Variants in ITPR2 observed in about 807,000 individuals in gnomAD.
ITPR2 encodes the protein inositol 1,4,5-trisphosphate receptor type 2.
A neutral mutation model predicts 317.1 loss-of-function variants in ITPR2; 207 were observed. The ratio of observed to expected loss-of-function variants is 0.65; its 90% CI spans 0.58 to 0.73. The LOEUF (loss-of-function observed/expected upper bound fraction) is 0.73. Among genes scored for constraint, ITPR2 ranks in the 30% least tolerant of loss-of-function variants. The probability of loss-of-function intolerance (pLI) is 0.00; values close to 1 mark genes in which losing one functional copy is unlikely to be tolerated. For synonymous variants in ITPR2, 1,156 were observed against 1,149.1 expected, an observed-to-expected ratio of 1.01 and a Z score of -0.12; for missense variants, 2,613 against 3,284.0, an observed-to-expected ratio of 0.80 and a Z score of 4.99.
chr12:26,478,343 T>C (rs1343371475), intron 43 of ITPR2, among the ~76,000 whole-genome samples: 1 of 151,976 alleles, frequency 6.6e-6, no homozygotes, highest in Non-Finnish European at 1.5e-5. Flanking sequence ...AATCCTAAAA[T>C]CCACTTCGAC....
chr12:26,748,530 T>C (rs1430044150), intron 2 of ITPR2, among the ~76,000 whole-genome samples: 3 of 152,234 alleles, frequency 2.0e-5, no homozygotes, highest in Admixed American at 1.3e-4. Context: ...TGCTCCTATC[T>C]GAATTTCAGA....
intron 52 of ITPR2, among the ~76,000 whole-genome samples, chr12:26,407,010 T>A (rs1383261031): frequency 2.0e-5 from 3 of 152,140 alleles, no homozygotes; most frequent in African/African-American, 7.2e-5. Context: ...CTGTGACACA[T>A]CTCCAGAGAT....
chr12:26,756,173 G>A (rs544805803), intron 2 of ITPR2, among the ~76,000 whole-genome samples: 1 of 152,292 alleles, frequency 6.6e-6, no homozygotes, highest in East Asian at 1.9e-4. Flanking sequence ...AAACGGGAGA[G>A]AGAAAAATTA....
intron 2 of ITPR2, among the ~76,000 whole-genome samples, chr12:26,748,690 T>C (rs1949366946): frequency 6.6e-6 from 1 of 152,226 alleles, no homozygotes. Context: ...TCCTTGATAC[T>C]TGCTTAAGTT....
chr12:26,701,391 AATGATT>A (rs1433732625), intron 9 of ITPR2, among the ~76,000 whole-genome samples: 39 of 152,284 alleles, frequency 2.6e-4, no homozygotes, highest in African/African-American at 8.9e-4. Context: ...TGTATTTTTA[AATGATT>A]ATATTTATAT....
intron 36 of ITPR2, among the ~76,000 whole-genome samples, chr12:26,554,679 T>C (rs1041639027): frequency 6.6e-6 from 1 of 152,224 alleles, no homozygotes; most frequent in Non-Finnish European, 1.5e-5. Context: ...TTACTGAATT[T>C]AACAGGTTTA....
Position 26,463,653 on chromosome 12 carries a change from G to A in ITPR2, c.6342+11643C>T, listed in dbSNP as rs58745242. Among the ~76,000 whole-genome samples, 1,351 of 150,762 alleles carry A rather than the reference G, an allele frequency of 9.0e-3. 24 individuals are homozygous for A. The highest frequency in any genetic ancestry group is 0.032 in the African/African-American group (1,296 of 40,764). ...GCACTCCAGCCTGGGCAACAAGGGC[G>A]AAACTCCATCTCAAAAAACAAAACA... On this transcript the variant is annotated intron_variant, in intron 45 of 56. Coordinates refer to ENST00000381340, the MANE Select transcript of ITPR2 (RefSeq NM_002223.4).
intron 2 of ITPR2, among the ~76,000 whole-genome samples, chr12:26,730,009 G>A (rs1476718586): frequency 2.0e-5 from 3 of 151,932 alleles, no homozygotes; most frequent in African/African-American, 7.2e-5. Context: ...CAACTGGGAA[G>A]CTGAAATAAA....
chr12:26,817,550 T>C (rs902158993), intron 1 of ITPR2, among the ~76,000 whole-genome samples: 3 of 152,244 alleles, frequency 2.0e-5, no homozygotes, highest in Non-Finnish European at 4.4e-5. Context: ...CCTGCCATTT[T>C]CAGCCTTTTT....
intron 55 of ITPR2, among the ~76,000 whole-genome samples, chr12:26,366,258 T>G (rs1459253561): frequency 1.3e-5 from 2 of 152,152 alleles, no homozygotes; most frequent in African/African-American, 2.4e-5. Flanking sequence ...AAATAAGTAA[T>G]GAAAGGCTAT....
At chr12:26,518,681 C>T (rs565483990) in intron 37 of ITPR2, among the ~76,000 whole-genome samples, 2 of 151,994 alleles carry the variant, frequency 1.3e-5, no homozygotes, top group Non-Finnish European at 2.9e-5. Flanking sequence ...AATATAGAAG[C>T]ATGGTGTAAC....
At chr12:26,768,421 AAATT>A (rs1949765441) in intron 2 of ITPR2, among the ~76,000 whole-genome samples, 45 of 68,458 alleles carry the variant, frequency 6.6e-4, no homozygotes, top group Non-Finnish European at 1.4e-3. Context: ...TAATAAAAAA[AAATT>A]AAAAAAAAAT....
chr12:26,811,101 CCTG>C (rs1243200857), intron 1 of ITPR2, among the ~76,000 whole-genome samples: 1 of 149,712 alleles, frequency 6.7e-6, no homozygotes, highest in African/African-American at 2.5e-5. Flanking sequence ...TCATGACAGA[CCTG>C]CTGAATTGTA....
intron 13 of ITPR2, among the ~76,000 whole-genome samples, chr12:26,680,533 T>G (rs966938623): frequency 2.0e-5 from 3 of 152,198 alleles, no homozygotes; most frequent in African/African-American, 7.2e-5. Flanking sequence ...AAATTAAAAC[T>G]TGGTGCTCTT....
At chr12:26,707,649 T>A (rs1447143075) in intron 9 of ITPR2, among the ~76,000 whole-genome samples, 1 of 152,168 alleles carries the variant, frequency 6.6e-6, no homozygotes, top group Non-Finnish European at 1.5e-5. Flanking sequence ...CTCTCCCACA[T>A]CTGCCTCCCA....
chr12:26,790,377 T>A (rs545553647), intron 1 of ITPR2, 150 bp from the exon 2 acceptor site: 125 of 629,838 alleles, frequency 2.0e-4, no homozygotes, highest in Non-Finnish European at 3.3e-4. Context: ...TGTAAAAAGA[T>A]TTGGTTGTAG....
At chr12:26,536,047 C>A (rs1944081161) in intron 37 of ITPR2, among the ~76,000 whole-genome samples, 1 of 152,150 alleles carries the variant, frequency 6.6e-6, no homozygotes, top group South Asian at 2.1e-4. Context: ...GAAAGAATAT[C>A]CTCAGTCATT....
intron 2 of ITPR2, among the ~76,000 whole-genome samples, chr12:26,738,178 A>C (rs551426306): frequency 8.8e-4 from 134 of 152,358 alleles, no homozygotes; most frequent in African/African-American, 3.1e-3. Context: ...ATGAAACTGG[A>C]AATTTTAAAG....
rs992132514 is a variant in ITPR2, at chr12:26,507,506, A to G, written c.5074-12246T>C. ...AACTGTAACTATAATCCGGGGCACT[A>G]AGAAAGTAAACGTTTATTTTTAATA... On this transcript the variant is annotated intron_variant, in intron 37 of 56. Coordinates refer to ENST00000381340, the MANE Select transcript of ITPR2 (RefSeq NM_002223.4). Among the ~76,000 whole-genome samples the G allele has an allele frequency of 3.9e-5, 6 of 152,222 alleles. No homozygotes were observed. In the East Asian group the frequency reaches 1.2e-3, roughly 29 times the overall value.
Sources: allele counts gnomAD v4.1 joint callset (sites outside exome capture counted in the v4.1 genomes callset), GRCh38; gene constraint gnomAD v4.1.1; transcripts MANE v1.5; gene names NCBI Gene and HGNC (gene_info 2026-07-23, HGNC 2026-07-21).